FBXL7: variants seen among roughly 807,000 people sequenced by gnomAD.
The protein encoded by FBXL7 is F-box/LRR-repeat protein 7.
Under a neutral mutation model 38.3 loss-of-function variants are expected in FBXL7, and 12 were observed. The observed-to-expected ratio is 0.31, with a 90% confidence interval of 0.20 to 0.51. FBXL7 has a LOEUF of 0.51. FBXL7 is among the 20% of genes least tolerant of loss of function. FBXL7 has a pLI of 0.98. For synonymous variants in FBXL7, 297 were observed against 300.9 expected (o/e 0.99, Z 0.13); for missense variants, 567 against 676.4 (o/e 0.84, Z 1.79).
At chr5:15,866,929 G>T (rs72736132) in intron 2 of FBXL7, among the ~76,000 whole-genome samples, 33,639 of 151,608 alleles carry the variant, frequency 0.22, 4,273 homozygotes, top group African/African-American at 0.36. Context: ...CACTTATATG[G>T]AATGGGGTAG....
At chr5:15,629,791 T>C (rs1740940164) in intron 2 of FBXL7, among the ~76,000 whole-genome samples, 1 of 152,236 alleles carries the variant, frequency 6.6e-6, no homozygotes, top group South Asian at 2.1e-4. Context: ...TGGATGAATG[T>C]ATTTTTATTC....
At chr5:15,528,922 T>C (rs763675247) in intron 1 of FBXL7, among the ~76,000 whole-genome samples, 8 of 152,258 alleles carry the variant, frequency 5.3e-5, no homozygotes, top group Non-Finnish European at 4.4e-5. Flanking sequence ...CAAATACTTA[T>C]TTTTCTGTTA....
intron 2 of FBXL7, among the ~76,000 whole-genome samples, chr5:15,636,726 C>T: frequency 7.0e-6 from 1 of 142,176 alleles, no homozygotes; most frequent in African/African-American, 2.6e-5. Flanking sequence ...TTTATGTTGG[C>T]TTTTTCTTTC....
intron 2 of FBXL7, among the ~76,000 whole-genome samples, chr5:15,635,339 C>T (rs79258657): frequency 1.3e-5 from 2 of 151,986 alleles, no homozygotes; most frequent in Non-Finnish European, 2.9e-5. Context: ...GTAAACAGAC[C>T]CTATATATGG....
At chr5:15,667,791 A>T (rs1742334901) in intron 2 of FBXL7, among the ~76,000 whole-genome samples, 3 of 152,008 alleles carry the variant, frequency 2.0e-5, no homozygotes, top group Admixed American at 1.3e-4. Context: ...CAGTCCTGAG[A>T]TGTGCTCCAT....
intron 2 of FBXL7, among the ~76,000 whole-genome samples, chr5:15,771,892 C>T (rs1451196171): frequency 6.6e-6 from 1 of 150,516 alleles, no homozygotes; most frequent in Non-Finnish European, 1.5e-5. Context: ...TTCAGCCTCT[C>T]AAGTAGCTGG....
chr5:15,718,932 G>A lies in FBXL7; in HGVS notation c.127+102860G>A, dbSNP rs115858540. 5.7e-3 allele frequency among the ~76,000 whole-genome samples: 874 copies of A among 152,272 alleles called. 4 individuals are homozygous for A. Among genetic ancestry groups the A allele is most frequent in the African/African-American group, 0.02 (830 of 41,540 alleles). On this transcript the variant is annotated intron_variant, in intron 2 of 3. Coordinates refer to ENST00000504595, the MANE Select transcript of FBXL7 (RefSeq NM_012304.5). ...TAAGCCCAGACTTTTCTCCAAGTAT[G>A]TTGGCTACACTTTCTCATTGCAATC...
intron 1 of FBXL7, among the ~76,000 whole-genome samples, chr5:15,544,965 T>G (rs1384424611): frequency 6.6e-6 from 1 of 152,216 alleles, no homozygotes; most frequent in East Asian, 1.9e-4. Flanking sequence ...TGAAGGTTTA[T>G]TGGGATTCTG....
chr5:15,789,894 G>C (rs1486476403), intron 2 of FBXL7, among the ~76,000 whole-genome samples: 6 of 152,126 alleles, frequency 3.9e-5, no homozygotes, highest in Non-Finnish European at 1.5e-5. Flanking sequence ...AAAGCACGAT[G>C]CTTACAATAA....
chr5:15,888,848 T>C (rs1029099304), intron 2 of FBXL7, among the ~76,000 whole-genome samples: 19 of 152,176 alleles, frequency 1.2e-4, no homozygotes, highest in Admixed American at 3.3e-4. Context: ...TTGAAATTAC[T>C]TGAATAGTGA....
chr5:15,811,260 C>T (rs543677059), intron 2 of FBXL7, among the ~76,000 whole-genome samples: 1 of 152,270 alleles, frequency 6.6e-6, no homozygotes, highest in South Asian at 2.1e-4. Context: ...CAACAAAGCA[C>T]CACAGATGGT....
chr5:15,770,543 T>C (rs1223586946), intron 2 of FBXL7, among the ~76,000 whole-genome samples: 1 of 152,134 alleles, frequency 6.6e-6, no homozygotes, highest in Non-Finnish European at 1.5e-5. Flanking sequence ...GGCGAGGCAA[T>C]AAACGAACGA....
intron 1 of FBXL7, among the ~76,000 whole-genome samples, chr5:15,541,942 T>G (rs916329619): frequency 6.6e-6 from 1 of 152,056 alleles, no homozygotes; most frequent in Admixed American, 6.6e-5. Context: ...AAGTGTGGAT[T>G]CCTTTCCTCC....
intron 2 of FBXL7, among the ~76,000 whole-genome samples, chr5:15,918,734 C>G (rs1040524551): frequency 6.6e-6 from 1 of 152,182 alleles, no homozygotes; most frequent in East Asian, 1.9e-4. Flanking sequence ...CAATGCTACC[C>G]TTATCAGACT....
chr5:15,625,170 T>C (rs1049266896), intron 2 of FBXL7, among the ~76,000 whole-genome samples: 1 of 152,206 alleles, frequency 6.6e-6, no homozygotes, highest in African/African-American at 2.4e-5. Context: ...AAGGCAAATA[T>C]TAGTATTCTA....
chr5:15,517,486 A>G (rs1736974516), intron 1 of FBXL7, among the ~76,000 whole-genome samples: 1 of 152,140 alleles, frequency 6.6e-6, no homozygotes, highest in Non-Finnish European at 1.5e-5. Flanking sequence ...GTGGCTGGGA[A>G]GGCAGTGGGG....
intron 2 of FBXL7, among the ~76,000 whole-genome samples, chr5:15,660,814 T>A (rs1157958227): frequency 2.6e-5 from 4 of 152,232 alleles, no homozygotes; most frequent in African/African-American, 9.6e-5. Context: ...GGTGGGCTGT[T>A]AAGATGATGT....
chr5:15,695,196 G>T (rs746699656), intron 2 of FBXL7, among the ~76,000 whole-genome samples: 11 of 152,152 alleles, frequency 7.2e-5, no homozygotes, highest in Non-Finnish European at 1.5e-4. Flanking sequence ...ACTTCAGTCT[G>T]CCTCTCCTCT....
At chr5:15,789,783 G>A (rs1206440817) in intron 2 of FBXL7, among the ~76,000 whole-genome samples, 1 of 152,222 alleles carries the variant, frequency 6.6e-6, no homozygotes, top group African/African-American at 2.4e-5. Context: ...GGCAGATAGT[G>A]TGGGAGGCAG....
Sources: gnomAD v4.1 joint callset for allele counts (sites outside exome capture counted in the v4.1 genomes callset) on GRCh38, gnomAD v4.1.1 for gene constraint, MANE v1.5 for transcripts, NCBI Gene and HGNC (gene_info 2026-07-23, HGNC 2026-07-21) for gene names.